MCC: variants seen among roughly 807,000 people sequenced by gnomAD.
MCC encodes MCC regulator of Wnt signaling pathway.
A neutral mutation model predicts 116.2 loss-of-function variants in MCC; 90 were observed. That is an observed-to-expected ratio of 0.77 (90% CI 0.65 to 0.92). MCC has a LOEUF of 0.92. MCC is among the 40% of genes least tolerant of loss of function. The pLI is 0.00. For synonymous variants in MCC, 578 were observed against 510.5 expected (o/e 1.13, Z -1.78); for missense variants, 1,516 against 1,312.2 (o/e 1.16, Z -2.40).
Position 113,311,889 on chromosome 5 carries a change from C to A in MCC, c.627+28630G>T, listed in dbSNP as rs189601714. Among the ~76,000 whole-genome samples, 277 of 152,226 alleles carry A rather than the reference C, an allele frequency of 1.8e-3. 2 individuals are homozygous for A. Among genetic ancestry groups the A allele is most frequent in the Middle Eastern group, 0.01 (3 of 292 alleles). ...TTGGGAGGCTGAGGCGGGCAGATCA[C>A]AAGGTCAGGAGTTAGAGAACAGCCT... On this transcript the variant is annotated intron_variant, in intron 3 of 18. Transcript: ENST00000408903.
chr5:113,437,510 T>C (rs181744428), intron 1 of MCC, among the ~76,000 whole-genome samples: 4 of 152,338 alleles, frequency 2.6e-5, no homozygotes, highest in Admixed American at 2.6e-4. Context: ...GTAGAAATAT[T>C]GTATCTAAAA....
intron 3 of MCC, among the ~76,000 whole-genome samples, chr5:113,278,452 C>A (rs536621043): frequency 6.6e-6 from 1 of 152,248 alleles, no homozygotes; most frequent in Admixed American, 6.5e-5. Context: ...TGCTACAATG[C>A]GAACTACCCA....
chr5:113,374,717 CA>C, intron 2 of MCC, among the ~76,000 whole-genome samples: 1 of 151,610 alleles, frequency 6.6e-6, no homozygotes, highest in Non-Finnish European at 1.5e-5. Context: ...GTTTGCTGGG[CA>C]CAATGGCTCA....
At chr5:113,405,871 T>G (rs545714185) in intron 1 of MCC, among the ~76,000 whole-genome samples, 1 of 152,294 alleles carries the variant, frequency 6.6e-6, no homozygotes, top group East Asian at 1.9e-4. Flanking sequence ...TTAATATTAT[T>G]TCAAGTATTT....
chr5:113,129,299 G>T (rs565873722), intron 5 of MCC, among the ~76,000 whole-genome samples: 2 of 152,270 alleles, frequency 1.3e-5, no homozygotes, highest in South Asian at 4.1e-4. Context: ...CCGTCAGGAA[G>T]GAAAGAGGGC....
At chr5:113,042,474 CAAAAAAA>C (rs5870523) in intron 17 of MCC, among the ~76,000 whole-genome samples, 5 of 68,470 alleles carry the variant, frequency 7.3e-5, no homozygotes, top group African/African-American at 2.4e-4. Context: ...GACCCTCTCT[CAAAAAAA>C]AAAAAAAAAA....
At chr5:113,287,345 T>C (rs1766303845) in intron 3 of MCC, among the ~76,000 whole-genome samples, 1 of 152,202 alleles carries the variant, frequency 6.6e-6, no homozygotes, top group Non-Finnish European at 1.5e-5. Flanking sequence ...CTTCTTTTTT[T>C]TGAGACAGAG....
At chr5:113,129,746 A>G (rs1288564693) in intron 5 of MCC, among the ~76,000 whole-genome samples, 1 of 152,258 alleles carries the variant, frequency 6.6e-6, no homozygotes, top group East Asian at 1.9e-4. Flanking sequence ...GCTCATCATC[A>G]CTGGTCATTA....
intron 9 of MCC, among the ~76,000 whole-genome samples, 190 bp downstream of exon 9, chr5:113,084,974 G>C (rs1466280497): frequency 6.6e-6 from 1 of 152,250 alleles, no homozygotes; most frequent in Non-Finnish European, 1.5e-5. Flanking sequence ...TTGCAGCTGA[G>C]AGAGACTTAA....
chr5:113,069,521 C>A (rs755168315), intron 12 of MCC, among the ~76,000 whole-genome samples: 1 of 152,388 alleles, frequency 6.6e-6, no homozygotes, highest in East Asian at 1.9e-4. Flanking sequence ...TCAAGCTGAA[C>A]AGGGGATATG....
At chr5:113,486,434 G>A (rs1772528609) in intron 1 of MCC, among the ~76,000 whole-genome samples, 1 of 152,192 alleles carries the variant, frequency 6.6e-6, no homozygotes, top group Non-Finnish European at 1.5e-5. Flanking sequence ...AAAATAATGT[G>A]AGCATTTATA....
chr5:113,411,170 A>T (rs1016354279), intron 1 of MCC, among the ~76,000 whole-genome samples: 3 of 152,156 alleles, frequency 2.0e-5, no homozygotes, highest in Non-Finnish European at 4.4e-5. Flanking sequence ...TAGATCCTTG[A>T]GGAATTGCCA....
chr5:113,286,620 A>T (rs1473980551), intron 3 of MCC, among the ~76,000 whole-genome samples: 1 of 152,210 alleles, frequency 6.6e-6, no homozygotes, highest in African/African-American at 2.4e-5. Flanking sequence ...GGCAGCCTTC[A>T]CCACACAAAT....
At chr5:113,210,032 G>C (rs1234890008) in intron 3 of MCC, among the ~76,000 whole-genome samples, 1 of 152,126 alleles carries the variant, frequency 6.6e-6, no homozygotes. Context: ...ACCTATGTTT[G>C]AGCGTTGTTG....
At chr5:113,101,540 C>CTTT in intron 8 of MCC, 199 bp downstream of exon 8, 1 of 474,968 alleles carries the variant, frequency 2.1e-6, no homozygotes, top group East Asian at 3.6e-5. Context: ...AAAGTGTTTG[C>CTTT]TTTTTTTTTT....
At chr5:113,453,003 G>C (rs1324108178) in intron 1 of MCC, among the ~76,000 whole-genome samples, 1 of 152,168 alleles carries the variant, frequency 6.6e-6, no homozygotes, top group African/African-American at 2.4e-5. Context: ...CAGGGTATGA[G>C]GTGACAAAGT....
At chr5:113,131,249 CTTT>C (rs1351846532) in intron 5 of MCC, among the ~76,000 whole-genome samples, 1 of 152,050 alleles carries the variant, frequency 6.6e-6, no homozygotes, top group Non-Finnish European at 1.5e-5. Context: ...CTTAGAAATC[CTTT>C]TTTATTTTCT....
intron 17 of MCC, among the ~76,000 whole-genome samples, chr5:113,042,419 G>A (rs974915752): frequency 7.1e-6 from 1 of 140,534 alleles, no homozygotes; most frequent in Non-Finnish European, 1.5e-5. Context: ...AGGCTGCAGT[G>A]AGCTGTGATT....
chr5:113,129,487 C>A (rs1758299034), intron 5 of MCC, among the ~76,000 whole-genome samples: 1 of 152,204 alleles, frequency 6.6e-6, no homozygotes, highest in African/African-American at 2.4e-5. Context: ...GTTCTGGAGC[C>A]TAGATCCTCC....
Sources: gnomAD v4.1 joint callset for allele counts (sites outside exome capture counted in the v4.1 genomes callset) on GRCh38, gnomAD v4.1.1 for gene constraint, MANE v1.5 for transcripts, NCBI Gene and HGNC (gene_info 2026-07-23, HGNC 2026-07-21) for gene names.